The following PLD3 variants were observed in gnomAD, a reference collection of about 807,000 sequenced individuals.
PLD3 encodes the protein 5'-3' exonuclease PLD3.
PLD3 carries 31 observed loss-of-function variants against 58.4 expected under a neutral mutation model. That is an observed-to-expected ratio of 0.53 (90% CI 0.40 to 0.72). The LOEUF is 0.72. Ranked by LOEUF, PLD3 falls within the 30% of genes least tolerant of loss-of-function variation. The pLI, the probability that PLD3 is intolerant of heterozygous loss-of-function variation, is 0.00. For synonymous variants in PLD3, 264 were observed against 273.4 expected (o/e 0.97, Z 0.34); for missense variants, 595 against 659.8 (o/e 0.90, Z 1.08).
intron 9 of PLD3, 79 bp from the exon 10 acceptor site, chr19:40,374,402 G>C: frequency 6.7e-7 from 1 of 1,499,330 alleles, no homozygotes; most frequent in Non-Finnish European, 9.2e-7. Flanking sequence ...CCTGGCTTGT[G>C]GTGAGCTGTC....
At chr19:40,351,809 A>G (rs1047757789) in intron 1 of PLD3, among the ~76,000 whole-genome samples, 12 of 152,144 alleles carry the variant, frequency 7.9e-5, no homozygotes, top group Non-Finnish European at 1.5e-4. Flanking sequence ...GGAGCCGAGG[A>G]GGGATGCGGT....
At chr19:40,349,883 G>A (rs1271785300) in intron 1 of PLD3, among the ~76,000 whole-genome samples, 1 of 151,416 alleles carries the variant, frequency 6.6e-6, no homozygotes, top group African/African-American at 2.4e-5. Context: ...GCTTGAACCG[G>A]GGAGGTGGAG....
chr19:40,376,887 CTG>C (rs2079219416), intron 11 of PLD3, 113 bp downstream of exon 11: 3 of 1,051,780 alleles, frequency 2.9e-6, no homozygotes, highest in Non-Finnish European at 4.1e-6. Flanking sequence ...AGCCCTGTCA[CTG>C]TGGGGAAACC....
intron 5 of PLD3, 68 bp downstream of exon 5, chr19:40,366,983 A>C: frequency 2.0e-6 from 3 of 1,506,278 alleles, no homozygotes; most frequent in Non-Finnish European, 2.7e-6. Context: ...AGCACACACT[A>C]AACAGGGCCT....
chr19:40,348,933 T>C (rs1490251378), intron 1 of PLD3, among the ~76,000 whole-genome samples, 165 bp downstream of exon 1: 1 of 151,814 alleles, frequency 6.6e-6, no homozygotes, highest in South Asian at 2.1e-4. Flanking sequence ...TCGTCCTCGG[T>C]CTCTTTATGT....
intron 10 of PLD3, 171 bp from the exon 11 acceptor site, chr19:40,376,438 A>G: frequency 1.7e-6 from 1 of 601,776 alleles, no homozygotes; most frequent in East Asian, 2.9e-5. Context: ...GGAAGAGGAA[A>G]TAGGGATGTG....
chr19:40,373,991 CAAA>C (rs750537190), intron 9 of PLD3, among the ~76,000 whole-genome samples: 5 of 43,532 alleles, frequency 1.1e-4, no homozygotes, highest in Admixed American at 2.4e-4. Context: ...GACTCCATCT[CAAA>C]AAAAAAAAAA....
chr19:40,376,857 G>A, intron 11 of PLD3, 83 bp downstream of exon 11: 1 of 1,320,136 alleles, frequency 7.6e-7, no homozygotes, highest in Non-Finnish European at 1.0e-6. Context: ...GTCTGTCAAT[G>A]ACAAGGGCAG....
chr19:40,367,575 C>CT (rs774844410), intron 5 of PLD3, 121 bp from the exon 6 acceptor site: 21 of 811,708 alleles, frequency 2.6e-5, no homozygotes, highest in South Asian at 3.8e-5. Context: ...GGGCAAGACT[C>CT]TGTCTCTAAA....
Position 40,378,437 on chromosome 19 carries a change from A to T in PLD3, c.*264A>T. 1 of 578,006 alleles carries T rather than the reference A, an allele frequency of 1.7e-6. No homozygotes were observed. The highest frequency in any genetic ancestry group is 3.1e-6 in the Non-Finnish European group (1 of 322,272). 35.8% of individuals were successfully genotyped at this position (578,006 alleles called of 1,614,324 possible). ...GCCCCCTGGCCCACCCCCACTTTCCAGGGCAAAAAGGGCCCAGGGTTATAA... is the reference window on the plus strand; with the variant it reads ...GCCCCCTGGCCCACCCCCACTTTCCTGGGCAAAAAGGGCCCAGGGTTATAA... On this transcript the variant is annotated 3_prime_UTR_variant, in exon 13 of 13. Transcript: ENST00000409735.
intron 1 of PLD3, among the ~76,000 whole-genome samples, chr19:40,362,155 C>G (rs1327754337): frequency 6.6e-6 from 1 of 152,100 alleles, no homozygotes; most frequent in East Asian, 1.9e-4. Flanking sequence ...TCCCTCGTGT[C>G]TATTTTGTTC....
chr19:40,365,569 G>A (rs183427599), intron 1 of PLD3, 149 bp from the exon 2 acceptor site: 5 of 152,270 alleles, frequency 3.3e-5, no homozygotes, highest in Non-Finnish European at 5.9e-5. Context: ...CATGTCCATG[G>A]TACACAAATT....
Position 40,366,686 on chromosome 19 carries a change from T to G in PLD3, c.102+2T>G. Reference sequence around the variant, plus strand: ...GAGGCGTGGAAGGCTGCGGAAAAGGTAGGAGCCCTCCGCCACCCTCGCTCT... The same window carrying G: ...GAGGCGTGGAAGGCTGCGGAAAAGGGAGGAGCCCTCCGCCACCCTCGCTCT... On this transcript the variant is annotated splice_donor_variant, in intron 4 of 12. Coordinates refer to ENST00000409735, the MANE Select transcript of PLD3 (RefSeq NM_012268.4). LOFTEE classifies it high-confidence loss of function. 1 of 1,609,756 alleles carries G rather than the reference T, an allele frequency of 6.2e-7. No homozygotes were observed. The highest frequency in any genetic ancestry group is 8.5e-7 in the Non-Finnish European group (1 of 1,177,324).
At chr19:40,362,650 C>T (rs1033524891) in intron 1 of PLD3, among the ~76,000 whole-genome samples, 2 of 152,152 alleles carry the variant, frequency 1.3e-5, no homozygotes, top group African/African-American at 4.8e-5. Context: ...GTTGCCCAGG[C>T]TGGTCTCAAA....
In PLD3 at chr19:40,374,551, A is replaced by G. The variant is rs778814072; in HGVS notation, c.950A>G (p.Asn317Ser). 3 of 1,614,030 alleles carry G rather than the reference A, an allele frequency of 1.9e-6. No homozygotes were observed. The highest frequency in any genetic ancestry group is 1.7e-5 in the Admixed American group (1 of 60,000). ...AAGGCTCTACTCAACGTGGTGGACA[A>G]TGCCCGGAGTTTCATCTACGTCGCT... is the stretch of plus-strand genomic sequence containing the variant. ...DLKALLNVVD[N>S]ARSFIYVAVM... Residue 317 changes from asparagine (N) to serine (S), a missense_variant, in exon 10 of 13, where the codon AAT becomes AGT. By Grantham distance (46) the Asn-to-Ser change is conservative. Coordinates refer to ENST00000409735, the MANE Select transcript of PLD3 (RefSeq NM_012268.4).
chr19:40,377,923 G>A lies in PLD3; in HGVS notation c.1285+38G>A, dbSNP rs1308942862. On this transcript the variant is annotated intron_variant, in intron 12 of 12. Transcript: ENST00000409735. ...AGCACCACGGGGCGCTGAAGAAGAG[G>A]GGGTTCAGACACCAGGGGCGGCCCC... The A allele has an allele frequency of 3.1e-6, 5 of 1,612,826 alleles. No homozygotes were observed. In the Admixed American group the frequency reaches 5.0e-5, roughly 16 times the overall value.
intron 8 of PLD3, among the ~76,000 whole-genome samples, chr19:40,371,265 GC>G (rs1291101771): frequency 6.6e-6 from 1 of 152,000 alleles, no homozygotes; most frequent in Admixed American, 6.6e-5. Flanking sequence ...CATCCCTAGT[GC>G]CTGTCCTCCC....
chr19:40,364,080 G>C (rs913913261), intron 1 of PLD3, among the ~76,000 whole-genome samples: 15 of 152,150 alleles, frequency 9.9e-5, no homozygotes, highest in African/African-American at 3.4e-4. Context: ...AATAGGCTGG[G>C]CACAGTGGCT....
chr19:40,377,935 C>A, intron 12 of PLD3, 50 bp downstream of exon 12: 1 of 1,612,576 alleles, frequency 6.2e-7, no homozygotes, highest in Non-Finnish European at 8.5e-7. Context: ...GGTTCAGACA[C>A]CAGGGGCGGC....
Sources: gnomAD v4.1 joint callset for allele counts (sites outside exome capture counted in the v4.1 genomes callset) on GRCh38, gnomAD v4.1.1 for gene constraint, MANE v1.5 for transcripts, NCBI Gene and HGNC (gene_info 2026-07-23, HGNC 2026-07-21) for gene names.